Variants in LRRTM4 observed in about 807,000 individuals in gnomAD.
LRRTM4 encodes the protein leucine rich repeat transmembrane neuronal 4.
Under a neutral mutation model 47.6 loss-of-function variants are expected in LRRTM4, and 25 were observed. The ratio of observed to expected loss-of-function variants is 0.53; its 90% confidence interval spans 0.38 to 0.73. The LOEUF (loss-of-function observed/expected upper bound fraction) is 0.73, where lower values mean the gene tolerates loss of function less well. Ranked by LOEUF, LRRTM4 falls within the 30% of genes least tolerant of loss-of-function variation. The pLI is 0.00. For synonymous variants in LRRTM4, 311 were observed against 269.5 expected, an observed-to-expected ratio of 1.15 and a Z score of -1.51; for missense variants, 638 against 713.4, an observed-to-expected ratio of 0.89 and a Z score of 1.20.
At chr2:76,882,406 A>C (rs1277635503) in intron 3 of LRRTM4, among the ~76,000 whole-genome samples, 1 of 152,048 alleles carries the variant, frequency 6.6e-6, no homozygotes, top group Non-Finnish European at 1.5e-5. Context: ...AAATGTATAA[A>C]AAAGGCCAGG....
intron 3 of LRRTM4, among the ~76,000 whole-genome samples, chr2:77,317,594 C>A (rs953589281): frequency 6.6e-6 from 1 of 152,140 alleles, no homozygotes; most frequent in Non-Finnish European, 1.5e-5. Flanking sequence ...GCCTTTTCTT[C>A]ATGAAGATGT....
chr2:77,422,548 A>G (rs1410574433), intron 3 of LRRTM4, among the ~76,000 whole-genome samples: 1 of 152,228 alleles, frequency 6.6e-6, no homozygotes, highest in East Asian at 1.9e-4. Flanking sequence ...CAAGAGATGG[A>G]ATACATTTGC....
intron 3 of LRRTM4, among the ~76,000 whole-genome samples, chr2:77,201,346 T>C (rs1424013753): frequency 1.3e-5 from 2 of 152,118 alleles, no homozygotes; most frequent in Non-Finnish European, 2.9e-5. Flanking sequence ...ATTTCCTTGC[T>C]TTTGCCTAGA....
At chr2:76,782,889 TTTAAA>T (rs1234863881) in intron 3 of LRRTM4, among the ~76,000 whole-genome samples, 1 of 152,146 alleles carries the variant, frequency 6.6e-6, no homozygotes. Flanking sequence ...GGGGAAGTAA[TTTAAA>T]TTATAGAGTG....
At chr2:77,434,718 G>T (rs1675522369) in intron 3 of LRRTM4, among the ~76,000 whole-genome samples, 1 of 152,094 alleles carries the variant, frequency 6.6e-6, no homozygotes, top group Non-Finnish European at 1.5e-5. Flanking sequence ...TTTAGAAATT[G>T]TTTTACAGCA....
At chr2:77,366,636 C>T (rs1490995126) in intron 3 of LRRTM4, among the ~76,000 whole-genome samples, 4 of 151,848 alleles carry the variant, frequency 2.6e-5, no homozygotes, top group Non-Finnish European at 4.4e-5. Flanking sequence ...CCTCTTACTG[C>T]CCCTAAAACT....
intron 3 of LRRTM4, among the ~76,000 whole-genome samples, chr2:77,033,300 C>A (rs1362196259): frequency 6.6e-6 from 1 of 151,002 alleles, no homozygotes; most frequent in Non-Finnish European, 1.5e-5. Context: ...TTTATGAAGA[C>A]ATTTATAGCT....
intron 3 of LRRTM4, among the ~76,000 whole-genome samples, chr2:77,241,250 G>T (rs974509437): frequency 5.5e-5 from 8 of 144,792 alleles, no homozygotes; most frequent in Non-Finnish European, 1.2e-4. Flanking sequence ...ACACACATGG[G>T]TCTAGAAACA....
chr2:76,810,329 A>T (rs1670696931), intron 3 of LRRTM4, among the ~76,000 whole-genome samples: 2 of 152,274 alleles, frequency 1.3e-5, no homozygotes, highest in East Asian at 3.9e-4. Context: ...TATCCTCAAT[A>T]ACAGATTTTT....
rs187532134 is a variant in LRRTM4, at chr2:77,410,431, T to C, written c.1551+107887A>G. Among the ~76,000 whole-genome samples the C allele has an allele frequency of 2.8e-3, 425 of 152,270 alleles. 5 individuals carry two copies. Among genetic ancestry groups the C allele is most frequent in the East Asian group, 0.015 (78 of 5,172 alleles). ...TAAGCCCTAAAGATTTTGGTCCTCA[T>C]ATTTCCCTATTAAATTGAAATTGCT... On this transcript the variant is annotated intron_variant, in intron 3 of 3. Transcript: ENST00000409884.
rs796174726 is a variant in LRRTM4 at position 77,238,797 on chromosome 2, G to A, written c.1551+279521C>T. Among the ~76,000 whole-genome samples, 9 of 151,764 alleles carry A rather than the reference G, an allele frequency of 5.9e-5. No individual in the cohort carries two copies. In the South Asian group the frequency reaches 1.9e-3, roughly 32 times the overall value. ...ATGCAAACCAGAAAACAAAAAAATGGCATTATTAAAGTATTGAAAGAAACC... is the reference window on the plus strand; with the variant it reads ...ATGCAAACCAGAAAACAAAAAAATGACATTATTAAAGTATTGAAAGAAACC... On this transcript the variant is annotated intron_variant, in intron 3 of 3. Transcript: ENST00000409884.
intron 3 of LRRTM4, among the ~76,000 whole-genome samples, chr2:77,421,679 C>T (rs1455216172): frequency 6.6e-6 from 1 of 151,866 alleles, no homozygotes; most frequent in Non-Finnish European, 1.5e-5. Flanking sequence ...TGCACTCCAG[C>T]CTGGGCGGCA....
intron 3 of LRRTM4, among the ~76,000 whole-genome samples, chr2:77,440,400 T>C (rs1474946379): frequency 1.3e-5 from 2 of 151,600 alleles, no homozygotes; most frequent in Non-Finnish European, 2.9e-5. Flanking sequence ...GGCGACAGAG[T>C]GAGACTCCGC....
chr2:77,403,515 T>A (rs73941283), intron 3 of LRRTM4, among the ~76,000 whole-genome samples: 4,929 of 151,846 alleles, frequency 0.032, 271 homozygotes, highest in African/African-American at 0.11. Flanking sequence ...ATATATAATA[T>A]GTATATAAAC....
intron 3 of LRRTM4, among the ~76,000 whole-genome samples, chr2:77,136,781 A>C (rs1335480709): frequency 6.6e-6 from 1 of 151,040 alleles, no homozygotes; most frequent in Non-Finnish European, 1.5e-5. Flanking sequence ...AAGTCCTTAA[A>C]TGACCTGAGG....
At chr2:76,976,424 A>G (rs1378296920) in intron 3 of LRRTM4, among the ~76,000 whole-genome samples, 1 of 151,756 alleles carries the variant, frequency 6.6e-6, no homozygotes, top group Non-Finnish European at 1.5e-5. Context: ...AAAAAAATAA[A>G]CCAAAACCAC....
intron 3 of LRRTM4, among the ~76,000 whole-genome samples, chr2:77,373,822 C>T (rs1026502125): frequency 6.6e-6 from 1 of 151,684 alleles, no homozygotes; most frequent in East Asian, 1.9e-4. Context: ...CCTATTAACA[C>T]AGAGCTAGAA....
chr2:77,021,830 A>G (rs1678281940), intron 3 of LRRTM4, among the ~76,000 whole-genome samples: 1 of 148,874 alleles, frequency 6.7e-6, no homozygotes, highest in African/African-American at 2.4e-5. Context: ...AAGGTGCACA[A>G]CATGATGATT....
chr2:77,487,666 G>T (rs1677971667), intron 3 of LRRTM4, among the ~76,000 whole-genome samples: 1 of 152,054 alleles, frequency 6.6e-6, no homozygotes, highest in Admixed American at 6.6e-5. Flanking sequence ...GGCCACCAAA[G>T]GCCGAAGCCC....
Sources: gnomAD v4.1 joint callset for allele counts (sites outside exome capture counted in the v4.1 genomes callset) on GRCh38, gnomAD v4.1.1 for gene constraint, MANE v1.5 for transcripts, NCBI Gene and HGNC (gene_info 2026-07-23, HGNC 2026-07-21) for gene names.